The following ABTB2 variants were observed in gnomAD, a reference collection of about 807,000 sequenced individuals.
ABTB2 encodes ankyrin repeat and BTB/POZ domain-containing protein 2.
Under a neutral mutation model 104.1 loss-of-function variants are expected in ABTB2, and 56 were observed. The observed-to-expected ratio is 0.54, with a 90% confidence interval of 0.43 to 0.67. ABTB2 has a LOEUF of 0.67. Ranked by LOEUF, ABTB2 falls within the 30% of genes least tolerant of loss-of-function variation. The pLI, the probability that ABTB2 is intolerant of heterozygous loss-of-function variation, is 0.00. For synonymous variants in ABTB2, 606 were observed against 608.2 expected, an observed-to-expected ratio of 1.00 and a Z score of 0.05; for missense variants, 1,279 against 1,407.7, an observed-to-expected ratio of 0.91 and a Z score of 1.46.
chr11:34,207,023 G>A (rs1590216580), intron 1 of ABTB2, among the ~76,000 whole-genome samples: 1 of 152,196 alleles, frequency 6.6e-6, no homozygotes, highest in African/African-American at 2.4e-5. Flanking sequence ...CCCCTGCCAG[G>A]GCCCCAGTCC....
At chr11:34,295,743 T>C (rs774908017) in intron 1 of ABTB2, among the ~76,000 whole-genome samples, 3 of 152,188 alleles carry the variant, frequency 2.0e-5, no homozygotes, top group Non-Finnish European at 1.5e-5. Flanking sequence ...CCAGCATGGC[T>C]GGGTTCTGGT....
intron 3 of ABTB2, among the ~76,000 whole-genome samples, chr11:34,182,237 C>T (rs571884910): frequency 3.0e-4 from 46 of 152,342 alleles, no homozygotes; most frequent in Non-Finnish European, 5.9e-4. Flanking sequence ...AACATTGTCC[C>T]GCTAAGTCAG....
At chr11:34,242,066 G>A (rs866234698) in intron 1 of ABTB2, among the ~76,000 whole-genome samples, 3 of 152,222 alleles carry the variant, frequency 2.0e-5, no homozygotes, top group Admixed American at 6.5e-5. Context: ...TCTCTCCATG[G>A]CCACTGCCCA....
intron 1 of ABTB2, among the ~76,000 whole-genome samples, chr11:34,320,047 C>G (rs987333958): frequency 1.4e-4 from 21 of 152,138 alleles, no homozygotes; most frequent in African/African-American, 5.1e-4. Flanking sequence ...CCGTGCCTGG[C>G]CACTTTTTAG....
intron 1 of ABTB2, among the ~76,000 whole-genome samples, chr11:34,265,573 G>A (rs1339459409): frequency 2.0e-5 from 3 of 149,260 alleles, no homozygotes; most frequent in Admixed American, 6.8e-5. Flanking sequence ...GACGAGAATC[G>A]CTTGAACCCG....
Position 34,152,333 on chromosome 11 carries a change from G to T in ABTB2, c.*54C>A, listed in dbSNP as rs1852553796. 4.0e-6 allele frequency: 6 copies of T among 1,516,922 alleles called. No homozygotes were observed. In the Admixed American group the frequency reaches 6.0e-5, roughly 15 times the overall value. 94.0% of individuals were successfully genotyped at this position (1,516,922 alleles called of 1,614,324 possible). ...AGGGCCTACAACCATACCCCGACAT[G>T]GTGGGCCCTGGCACCTCCACAGGCC... On this transcript the variant is annotated 3_prime_UTR_variant, in exon 17 of 17. Transcript: ENST00000435224.
chr11:34,160,840 C>T lies in ABTB2; in HGVS notation c.2397+63G>A, dbSNP rs375347114. On this transcript the variant is annotated intron_variant, in intron 11 of 16. Coordinates refer to ENST00000435224, the MANE Select transcript of ABTB2 (RefSeq NM_145804.3). ...TCCACGTGTCTGCCTGTGTGTCCAT[C>T]TGTGTGTCCCGTGGTCTGAGTCTGG... is the stretch of plus-strand genomic sequence containing the variant. 897 of 1,519,520 alleles carry T rather than the reference C, an allele frequency of 5.9e-4. 3 individuals carry two copies. The highest frequency in any genetic ancestry group is 6.9e-4 in the Non-Finnish European group (773 of 1,125,830). The allele number at this position is 1,519,520 out of a possible 1,614,324, so 94.1% of individuals were successfully genotyped here. A position where few individuals can be genotyped will look rare whatever the true frequency, so the allele number is the denominator to read the frequency against.
chr11:34,238,584 C>G (rs1243075312), intron 1 of ABTB2, among the ~76,000 whole-genome samples: 1 of 152,102 alleles, frequency 6.6e-6, no homozygotes, highest in Non-Finnish European at 1.5e-5. Flanking sequence ...TACCACGTGC[C>G]AAGTACTCAA....
chr11:34,170,649 C>T (rs1046890850), intron 5 of ABTB2, among the ~76,000 whole-genome samples: 1 of 152,236 alleles, frequency 6.6e-6, no homozygotes, highest in African/African-American at 2.4e-5. Context: ...CCTAGCCTTG[C>T]ACCACCTGAA....
At chr11:34,330,881 G>C (rs2133116709) in intron 1 of ABTB2, among the ~76,000 whole-genome samples, 1 of 152,358 alleles carries the variant, frequency 6.6e-6, no homozygotes, top group Non-Finnish European at 1.5e-5. Context: ...AACTTTTCCA[G>C]AGCTACATCT....
intron 3 of ABTB2, among the ~76,000 whole-genome samples, chr11:34,191,163 G>A (rs1374622236): frequency 6.6e-6 from 1 of 152,158 alleles, no homozygotes; most frequent in East Asian, 1.9e-4. Context: ...CAGCTACTTG[G>A]GAGGCTGAGG....
chr11:34,153,566 C>T (rs1852578625), intron 16 of ABTB2, among the ~76,000 whole-genome samples: 1 of 152,202 alleles, frequency 6.6e-6, no homozygotes, highest in South Asian at 2.1e-4. Context: ...CCATGTTTCA[C>T]AGGCTGGTCT....
At chr11:34,169,375 A>G (rs182376112) in intron 5 of ABTB2, among the ~76,000 whole-genome samples, 1 of 152,162 alleles carries the variant, frequency 6.6e-6, no homozygotes, top group African/African-American at 2.4e-5. Flanking sequence ...GGCAATAAAA[A>G]CCGGAATGAA....
intron 1 of ABTB2, among the ~76,000 whole-genome samples, chr11:34,310,027 C>T (rs1854830595): frequency 6.6e-6 from 1 of 152,288 alleles, no homozygotes; most frequent in African/African-American, 2.4e-5. Flanking sequence ...TGGGCTTGAC[C>T]TTGACATTGA....
In ABTB2 at chr11:34,164,312, G is replaced by A. The variant is rs377380917; in HGVS notation, c.1988+374C>T. ...CCAGAAGCCTCTGCACAGCTGAGCC[G>A]TATGCTATTTGGACGTCCAAGGCCA... On this transcript the variant is annotated intron_variant, in intron 9 of 16. Coordinates refer to ENST00000435224, the MANE Select transcript of ABTB2 (RefSeq NM_145804.3). 5.1e-4 allele frequency among the ~76,000 whole-genome samples: 78 copies of A among 152,346 alleles called. 1 individual carries two copies. In the South Asian group the frequency reaches 7.7e-3, roughly 15 times the overall value.
chr11:34,234,248 G>A (rs1853811149), intron 1 of ABTB2, among the ~76,000 whole-genome samples: 1 of 152,192 alleles, frequency 6.6e-6, no homozygotes, highest in African/African-American at 2.4e-5. Context: ...TCCGGGTGAA[G>A]TCATGCTGAG....
chr11:34,216,800 T>C (rs891013196), intron 1 of ABTB2, among the ~76,000 whole-genome samples: 1 of 152,176 alleles, frequency 6.6e-6, no homozygotes, highest in African/African-American at 2.4e-5. Context: ...GTTTCCTCCA[T>C]GTCTGCATGG....
chr11:34,298,870 G>A (rs778347382), intron 1 of ABTB2, among the ~76,000 whole-genome samples: 8 of 152,188 alleles, frequency 5.3e-5, no homozygotes, highest in Non-Finnish European at 8.8e-5. Flanking sequence ...GAACAACTGG[G>A]CCTGCATAGA....
chr11:34,155,581 A>T (rs1590200124), intron 14 of ABTB2, among the ~76,000 whole-genome samples: 1 of 152,368 alleles, frequency 6.6e-6, no homozygotes, highest in African/African-American at 2.4e-5. Context: ...TGTGTAAGTA[A>T]ACACAGCTCC....
Sources: allele counts gnomAD v4.1 joint callset (sites outside exome capture counted in the v4.1 genomes callset), GRCh38; gene constraint gnomAD v4.1.1; transcripts MANE v1.5; gene names NCBI Gene and HGNC (gene_info 2026-07-23, HGNC 2026-07-21).